COL24A1: variants seen among roughly 807,000 people sequenced by gnomAD.
The protein encoded by COL24A1 is collagen alpha-1(XXIV) chain.
COL24A1 carries 224 observed loss-of-function variants against 253.9 expected under a neutral mutation model. That is an observed-to-expected ratio of 0.88 (90% CI 0.79 to 0.99). COL24A1 has a LOEUF of 0.99. COL24A1 is among the 50% of genes least tolerant of loss of function. The pLI is 0.00. For synonymous variants in COL24A1, 685 were observed against 673.7 expected (o/e 1.02, Z -0.26); for missense variants, 2,131 against 2,068.5 (o/e 1.03, Z -0.59).
chr1:86,086,277 G>A (rs373384883), intron 7 of COL24A1, among the ~76,000 whole-genome samples: 3 of 152,042 alleles, frequency 2.0e-5, no homozygotes, highest in Admixed American at 1.3e-4. Context: ...AACAAATATC[G>A]AATTAACGTG....
chr1:85,969,816 A>T (rs903391886), intron 22 of COL24A1, among the ~76,000 whole-genome samples: 17 of 152,040 alleles, frequency 1.1e-4, no homozygotes, highest in Admixed American at 6.6e-5. Context: ...CAAATAATTA[A>T]CATATTACCC....
At chr1:86,117,559 A>G (rs1706274395) in intron 3 of COL24A1, among the ~76,000 whole-genome samples, 1 of 152,208 alleles carries the variant, frequency 6.6e-6, no homozygotes, top group Non-Finnish European at 1.5e-5. Context: ...AAAAAGAGGT[A>G]TAGTTTATGT....
intron 45 of COL24A1, among the ~76,000 whole-genome samples, chr1:85,820,681 T>A (rs1178398853): frequency 6.6e-6 from 1 of 152,218 alleles, no homozygotes; most frequent in Non-Finnish European, 1.5e-5. Flanking sequence ...AAATGTAGGA[T>A]ATTTGAGTGA....
chr1:85,974,196 A>G (rs1692440262), intron 20 of COL24A1, among the ~76,000 whole-genome samples: 1 of 152,164 alleles, frequency 6.6e-6, no homozygotes, highest in South Asian at 2.1e-4. Context: ...ACAAGAACAG[A>G]GAAAACTTAA....
chr1:85,974,265 G>A (rs932160041), intron 20 of COL24A1, among the ~76,000 whole-genome samples: 2 of 151,892 alleles, frequency 1.3e-5, no homozygotes, highest in African/African-American at 2.4e-5. Flanking sequence ...ATCCTCAAAT[G>A]GGAATTTACA....
chr1:86,088,291 C>T lies in COL24A1; in HGVS notation c.1707+883G>A, dbSNP rs889517165. On this transcript the variant is annotated intron_variant, in intron 7 of 59. Transcript: ENST00000370571. ...TGAATACCACTTGCAACCTAAGTCT[C>T]CCAATAGGAAAGGAATATGGAACAC... 3.3e-5 allele frequency among the ~76,000 whole-genome samples: 5 copies of T among 152,154 alleles called. 1 individual carries two copies. The South Asian group carries it at 6.2e-4, about 19-fold the overall frequency.
At chr1:85,926,547 C>G (rs1687247851) in intron 24 of COL24A1, among the ~76,000 whole-genome samples, 1 of 152,050 alleles carries the variant, frequency 6.6e-6, no homozygotes, top group Admixed American at 6.6e-5. Context: ...AACCATCATT[C>G]TGAGCCAACT....
chr1:85,852,206 T>C (rs1677856299), intron 37 of COL24A1, among the ~76,000 whole-genome samples: 1 of 152,206 alleles, frequency 6.6e-6, no homozygotes, highest in Admixed American at 6.5e-5. Context: ...TTCATTTCCT[T>C]ATAGATCTGT....
At chr1:85,980,282 A>G (rs1693117744) in intron 20 of COL24A1, among the ~76,000 whole-genome samples, 1 of 152,230 alleles carries the variant, frequency 6.6e-6, no homozygotes. Context: ...GGAACAAGAC[A>G]AGGATGCCGA....
chr1:85,961,114 G>C (rs1691012048), intron 24 of COL24A1, 135 bp downstream of exon 24: 1 of 683,954 alleles, frequency 1.5e-6, no homozygotes, highest in East Asian at 2.8e-5. Context: ...AACATCACAA[G>C]TAAGTTTAAA....
intron 43 of COL24A1, among the ~76,000 whole-genome samples, chr1:85,837,498 A>G (rs188467410): frequency 5.3e-5 from 8 of 152,330 alleles, no homozygotes; most frequent in African/African-American, 9.6e-5. Context: ...TATCAGATTA[A>G]TTAACCCATC....
intron 16 of COL24A1, 105 bp from the exon 17 acceptor site, chr1:86,022,696 A>G: frequency 7.5e-7 from 1 of 1,332,896 alleles, no homozygotes; most frequent in Non-Finnish European, 1.0e-6. Flanking sequence ...TATTTTTCTT[A>G]CTTCTGAGGA....
At chr1:85,858,881 G>A (rs1678815916) in intron 37 of COL24A1, among the ~76,000 whole-genome samples, 1 of 151,960 alleles carries the variant, frequency 6.6e-6, no homozygotes, top group African/African-American at 2.4e-5. Flanking sequence ...GACCACAGGT[G>A]TAAGCCACCA....
chr1:85,830,865 G>T (rs1675167638), intron 43 of COL24A1, among the ~76,000 whole-genome samples: 1 of 152,148 alleles, frequency 6.6e-6, no homozygotes. Flanking sequence ...AGATGGAAAT[G>T]CAGAAATCAC....
intron 43 of COL24A1, among the ~76,000 whole-genome samples, chr1:85,830,497 A>C (rs1675078399): frequency 6.6e-6 from 1 of 152,132 alleles, no homozygotes; most frequent in African/African-American, 2.4e-5. Context: ...GAGCCTGGGC[A>C]ATGGCGGGTG....
At chr1:86,138,858 T>TTTTTA (rs1557788603) in intron 2 of COL24A1, among the ~76,000 whole-genome samples, 1 of 152,112 alleles carries the variant, frequency 6.6e-6, no homozygotes, top group Non-Finnish European at 1.5e-5. Flanking sequence ...CTTTTTTTTT[T>TTTTTA]ATCTCATCCC....
chr1:85,918,936 T>C (rs552161119), intron 24 of COL24A1, among the ~76,000 whole-genome samples: 1 of 152,348 alleles, frequency 6.6e-6, no homozygotes, highest in East Asian at 1.9e-4. Flanking sequence ...GACTTGGCCA[T>C]ATAATTTGGA....
At chr1:85,883,006 T>C (rs1466808982) in intron 32 of COL24A1, among the ~76,000 whole-genome samples, 1 of 152,234 alleles carries the variant, frequency 6.6e-6, no homozygotes, top group African/African-American at 2.4e-5. Flanking sequence ...TGGGTTTTGC[T>C]TTCCTATTCA....
chr1:86,068,389 G>T (rs1414973821), intron 7 of COL24A1, among the ~76,000 whole-genome samples: 1 of 152,146 alleles, frequency 6.6e-6, no homozygotes, highest in Non-Finnish European at 1.5e-5. Flanking sequence ...ACTTTACATT[G>T]AACTCAGTGC....
Sources: allele counts gnomAD v4.1 joint callset (sites outside exome capture counted in the v4.1 genomes callset), GRCh38; gene constraint gnomAD v4.1.1; transcripts MANE v1.5; gene names NCBI Gene and HGNC (gene_info 2026-07-23, HGNC 2026-07-21).